Variants in MAST4 observed in about 807,000 individuals in gnomAD.
The protein encoded by MAST4 is microtubule-associated serine/threonine-protein kinase 4.
Under a neutral mutation model 162.7 loss-of-function variants are expected in MAST4, and 89 were observed. The observed-to-expected ratio is 0.55, with a 90% CI of 0.46 to 0.65. The LOEUF (loss-of-function observed/expected upper bound fraction) is 0.65. MAST4 is among the 30% of genes least tolerant of loss of function. The pLI is 0.00. For synonymous variants in MAST4, 1,479 were observed against 1,361.1 expected (o/e 1.09, Z -1.91); for missense variants, 3,153 against 3,374.0 (o/e 0.93, Z 1.62).
At chr5:66,725,105 T>C (rs1751430234) in intron 1 of MAST4, among the ~76,000 whole-genome samples, 2 of 152,124 alleles carry the variant, frequency 1.3e-5, no homozygotes, top group South Asian at 4.1e-4. Context: ...TTTTTTAATT[T>C]TTAAATTTCT....
At chr5:66,790,959 A>T (rs972700430) in intron 3 of MAST4, among the ~76,000 whole-genome samples, 7 of 152,202 alleles carry the variant, frequency 4.6e-5, no homozygotes, top group African/African-American at 1.7e-4. Context: ...TTTATCGCCA[A>T]GTCAATCATT....
At chr5:66,641,259 C>G (rs1745471385) in intron 1 of MAST4, among the ~76,000 whole-genome samples, 1 of 152,120 alleles carries the variant, frequency 6.6e-6, no homozygotes, top group Non-Finnish European at 1.5e-5. Flanking sequence ...ACAAGCAATT[C>G]TTGTGCCTCA....
chr5:67,096,092 C>T (rs1764437173), intron 7 of MAST4, among the ~76,000 whole-genome samples: 1 of 151,246 alleles, frequency 6.6e-6, no homozygotes, highest in South Asian at 2.1e-4. Flanking sequence ...GTTTTGTTTT[C>T]TTTCTCCTTC....
chr5:66,816,589 A>G (rs1271973343), intron 3 of MAST4, among the ~76,000 whole-genome samples: 1 of 152,164 alleles, frequency 6.6e-6, no homozygotes, highest in Non-Finnish European at 1.5e-5. Context: ...CTGTACAGGT[A>G]TCAAAGTCCA....
At chr5:66,867,952 C>T (rs1760650416) in intron 3 of MAST4, among the ~76,000 whole-genome samples, 1 of 152,190 alleles carries the variant, frequency 6.6e-6, no homozygotes, top group South Asian at 2.1e-4. Flanking sequence ...AAGAGAAACG[C>T]ATTCTTAGAA....
At chr5:66,791,991 T>G (rs1755433686) in intron 3 of MAST4, among the ~76,000 whole-genome samples, 1 of 152,206 alleles carries the variant, frequency 6.6e-6, no homozygotes, top group Non-Finnish European at 1.5e-5. Context: ...CCTTTCCTGC[T>G]TTTGGTACCA....
At chr5:66,711,630 T>C (rs2149524616) in intron 1 of MAST4, among the ~76,000 whole-genome samples, 1 of 152,032 alleles carries the variant, frequency 6.6e-6, no homozygotes, top group East Asian at 1.9e-4. Flanking sequence ...AGGTCAGGAG[T>C]TTGAGACCAG....
intron 1 of MAST4, among the ~76,000 whole-genome samples, chr5:66,609,015 T>C (rs1006317476): frequency 5.3e-5 from 8 of 152,080 alleles, no homozygotes; most frequent in African/African-American, 1.9e-4. Context: ...TGCCAACCCT[T>C]GGAGACTGAG....
chr5:67,153,431 C>A (rs769791021), intron 25 of MAST4, 27 bp from the exon 26 acceptor site: 2 of 1,591,836 alleles, frequency 1.3e-6, no homozygotes, highest in South Asian at 1.1e-5. Flanking sequence ...TGTTTGCCTA[C>A]AAATATCCTC....
At chr5:66,666,200 C>G (rs998528347) in intron 1 of MAST4, among the ~76,000 whole-genome samples, 1 of 152,138 alleles carries the variant, frequency 6.6e-6, no homozygotes, top group East Asian at 1.9e-4. Context: ...TACAAAGGTG[C>G]TTTTGATTGA....
chr5:66,635,838 G>A (rs1299170403), intron 1 of MAST4, among the ~76,000 whole-genome samples: 1 of 151,330 alleles, frequency 6.6e-6, no homozygotes. Flanking sequence ...GCAAAGTCTG[G>A]CATGTGTACA....
intron 5 of MAST4, among the ~76,000 whole-genome samples, chr5:67,081,033 A>G (rs1217805808): frequency 1.5e-5 from 2 of 132,012 alleles, no homozygotes; most frequent in African/African-American, 6.0e-5. Flanking sequence ...ATATTATATA[A>G]TATAATATAT....
intron 4 of MAST4, among the ~76,000 whole-genome samples, chr5:66,987,645 T>G (rs1749665842): frequency 6.6e-6 from 1 of 152,178 alleles, no homozygotes; most frequent in Non-Finnish European, 1.5e-5. Flanking sequence ...TTTGTCTCCC[T>G]ATACCACTGA....
At chr5:66,897,724 T>A (rs140889360) in intron 3 of MAST4, among the ~76,000 whole-genome samples, 1 of 152,326 alleles carries the variant, frequency 6.6e-6, no homozygotes, top group African/African-American at 2.4e-5. Context: ...CATCTTGGAA[T>A]CTCGGCTGCC....
chr5:66,935,654 T>C (rs961318011), intron 4 of MAST4, among the ~76,000 whole-genome samples: 6 of 151,038 alleles, frequency 4.0e-5, no homozygotes, highest in Non-Finnish European at 8.8e-5. Context: ...CCATAGACTT[T>C]TTTCTTTCTT....
intron 11 of MAST4, among the ~76,000 whole-genome samples, chr5:67,111,788 C>G (rs568967049): frequency 6.6e-6 from 1 of 152,284 alleles, no homozygotes; most frequent in East Asian, 1.9e-4. Flanking sequence ...AGTAATCACT[C>G]ATAATCGGAG....
chr5:66,866,689 T>A (rs1469486538), intron 3 of MAST4, among the ~76,000 whole-genome samples: 1 of 152,184 alleles, frequency 6.6e-6, no homozygotes, highest in African/African-American at 2.4e-5. Context: ...AGTAGATAAG[T>A]TTATTCTTCT....
chr5:66,980,140 A>G (rs1748606776), intron 4 of MAST4, among the ~76,000 whole-genome samples: 1 of 152,192 alleles, frequency 6.6e-6, no homozygotes, highest in Non-Finnish European at 1.5e-5. Context: ...GGGGGAGTAG[A>G]TGAAATTTAC....
At chr5:66,726,904 G>T (rs369896484) in intron 1 of MAST4, among the ~76,000 whole-genome samples, 1 of 152,070 alleles carries the variant, frequency 6.6e-6, no homozygotes, top group African/African-American at 2.4e-5. Flanking sequence ...GTGCCAAAAA[G>T]GTTGGGGACT....
Sources: allele counts gnomAD v4.1 joint callset (sites outside exome capture counted in the v4.1 genomes callset), GRCh38; gene constraint gnomAD v4.1.1; transcripts MANE v1.5; gene names NCBI Gene and HGNC (gene_info 2026-07-23, HGNC 2026-07-21).